The following ASPH variants were observed in gnomAD, a reference collection of about 807,000 sequenced individuals.
ASPH encodes the protein aspartate beta-hydroxylase.
Under a neutral mutation model 118.4 loss-of-function variants are expected in ASPH, and 100 were observed. The observed-to-expected ratio is 0.84, with a 90% confidence interval of 0.72 to 1.00. ASPH has a LOEUF of 1.00. Among genes scored for constraint, ASPH ranks in the 50% least tolerant of loss-of-function variants. The pLI is 0.00. For synonymous variants in ASPH, 315 were observed against 325.6 expected (o/e 0.97, Z 0.35); for missense variants, 920 against 919.5 (o/e 1.00, Z -0.01).
In ASPH at chr8:61,607,320, C is replaced by A. The variant is rs1017327206; in HGVS notation, c.976+11658G>T. 28 of 701,456 alleles carry A rather than the reference C, an allele frequency of 4.0e-5. No individual in the cohort carries two copies. The African/African-American group carries it at 4.9e-4, about 12-fold the overall frequency. 43.5% of individuals were successfully genotyped at this position (701,456 alleles called of 1,614,324 possible). A position where few individuals can be genotyped will look rare whatever the true frequency, so the allele number is the denominator to read the frequency against. ...TGGCTTTCACCAGACGCAAATGAGT[C>A]CTCTGTAAATGAAAGTGTGTCGGAA... is the stretch of plus-strand genomic sequence containing the variant. On this transcript the variant is annotated intron_variant, in intron 14 of 24. Coordinates refer to ENST00000379454, the MANE Select transcript of ASPH (RefSeq NM_004318.4).
chr8:61,535,113 T>C (rs768147949), intron 21 of ASPH, among the ~76,000 whole-genome samples: 13 of 152,330 alleles, frequency 8.5e-5, no homozygotes, highest in African/African-American at 3.1e-4. Flanking sequence ...TTAACTTCAC[T>C]ATCTCTTTAA....
At position 61,694,280 on chromosome 8, in the gene ASPH, C is replaced by A. The variant is rs747430168; in HGVS notation, c.104-10092G>T. Among the ~76,000 whole-genome samples the A allele has an allele frequency of 7.5e-4, 114 of 152,286 alleles. 1 individual carries two copies. The highest frequency in any genetic ancestry group is 1.2e-3 in the Non-Finnish European group (81 of 68,018). On this transcript the variant is annotated intron_variant, in intron 1 of 24. Transcript: ENST00000379454. ...CTGTCTCTTCTCGCCCCTTCTCCCCCAGCCTCACTGCCTTTGCCAGGTTTC... is the reference window on the plus strand; with the variant it reads ...CTGTCTCTTCTCGCCCCTTCTCCCCAAGCCTCACTGCCTTTGCCAGGTTTC...
At chr8:61,524,524 AT>A (rs1814488965) in intron 22 of ASPH, among the ~76,000 whole-genome samples, 1 of 152,216 alleles carries the variant, frequency 6.6e-6, no homozygotes, top group African/African-American at 2.4e-5. Flanking sequence ...AAGAAAGAAC[AT>A]GTAAATTCCA....
At chr8:61,641,325 T>C (rs1805026061) in intron 10 of ASPH, among the ~76,000 whole-genome samples, 1 of 152,220 alleles carries the variant, frequency 6.6e-6, no homozygotes, top group South Asian at 2.1e-4. Context: ...ATGTTCTTTA[T>C]ATTTTTAAAA....
At chr8:61,654,728 A>G (rs999788614) in intron 3 of ASPH, among the ~76,000 whole-genome samples, 12 of 152,204 alleles carry the variant, frequency 7.9e-5, no homozygotes, top group Non-Finnish European at 1.5e-4. Flanking sequence ...GGACCCTGCC[A>G]CATCACTTAC....
In ASPH at chr8:61,642,871, A is replaced by T; in HGVS notation, c.790+17T>A. 1 of 1,542,862 alleles carries T rather than the reference A, an allele frequency of 6.5e-7. No individual in the cohort carries two copies. The highest frequency in any genetic ancestry group is 1.4e-5 in the African/African-American group (1 of 70,808). ...AAAAAAAAAAAGAAAAAAAAAAAAA[A>T]GAAAGCATTTGCAAACCTTGTTCCT... On this transcript the variant is annotated intron_variant, in intron 10 of 24. Coordinates refer to ENST00000379454, the MANE Select transcript of ASPH (RefSeq NM_004318.4).
chr8:61,708,904 T>TCACC (rs1222967623), intron 1 of ASPH, among the ~76,000 whole-genome samples: 1 of 106,850 alleles, frequency 9.4e-6, no homozygotes, highest in Non-Finnish European at 1.8e-5. Context: ...CCAAGTCAAT[T>TCACC]CACCAATGCT....
intron 14 of ASPH, chr8:61,607,018 T>C (rs1047293601): frequency 1.4e-5 from 6 of 414,766 alleles, no homozygotes; most frequent in Non-Finnish European, 2.6e-5. Flanking sequence ...CTCCAGTTGC[T>C]TTCCATCTCC....
In ASPH at chr8:61,684,113, A is replaced by T; in HGVS notation, c.179T>A (p.Val60Glu). The change falls in exon 2 of 25, where the codon GTG becomes GAG. Residue 60 changes from valine to glutamate, a missense_variant. Physicochemically the swap from Val to Glu is moderately radical, Grantham distance 121 (BLOSUM62 -2). Coordinates refer to ENST00000379454, the MANE Select transcript of ASPH (RefSeq NM_004318.4). ...TGTCCAGACGCCCAGCAATGCAATC[A>T]CCATAAACCACGTGAAGAATGAAGT... ...SGTSFFTWFM[V>E]IALLGVWTSV... 2 of 1,613,786 alleles carry T rather than the reference A, an allele frequency of 1.2e-6. No homozygotes were observed. Among genetic ancestry groups the T allele is most frequent in the Non-Finnish European group, 1.7e-6 (2 of 1,179,786 alleles).
intron 20 of ASPH, among the ~76,000 whole-genome samples, chr8:61,551,730 C>T (rs1017280172): frequency 2.6e-5 from 4 of 152,198 alleles, no homozygotes. Flanking sequence ...AGTAGTCAGA[C>T]ATGAACATTT....
chr8:61,661,069 T>A (rs1162614589), intron 3 of ASPH: 1 of 152,236 alleles, frequency 6.6e-6, no homozygotes, highest in Non-Finnish European at 1.5e-5. Context: ...CAATATTCTT[T>A]TAAAAATTAA....
intron 14 of ASPH, among the ~76,000 whole-genome samples, chr8:61,585,298 G>C (rs1480485027): frequency 6.6e-6 from 1 of 152,190 alleles, no homozygotes; most frequent in African/African-American, 2.4e-5. Context: ...CTTCTCAGAA[G>C]CCCCAAGTGA....
chr8:61,540,737 C>T (rs1382870938), intron 21 of ASPH, among the ~76,000 whole-genome samples: 2 of 152,094 alleles, frequency 1.3e-5, no homozygotes, highest in Middle Eastern at 6.3e-3. Context: ...CTGTCCCCTG[C>T]CTTCAGGAAA....
At chr8:61,514,990 G>T (rs1810347278) in intron 24 of ASPH, among the ~76,000 whole-genome samples, 1 of 147,436 alleles carries the variant, frequency 6.8e-6, no homozygotes, top group South Asian at 2.3e-4. Flanking sequence ...GAGGGAGGGA[G>T]AGAGGGAGGC....
intron 19 of ASPH, 131 bp downstream of exon 19, chr8:61,555,792 TC>T: frequency 1.3e-6 from 1 of 749,802 alleles, no homozygotes. Context: ...AATGTCATGG[TC>T]TGAGGGTGGA....
chr8:61,595,934 G>T (rs566451001), intron 14 of ASPH, among the ~76,000 whole-genome samples: 1 of 152,172 alleles, frequency 6.6e-6, no homozygotes, highest in African/African-American at 2.4e-5. Flanking sequence ...CTGGGGATCT[G>T]AAGATAGATC....
At position 61,621,332 on chromosome 8, in the gene ASPH, AAAAGAAAAG is replaced by A. The variant is rs1248437856; in HGVS notation, c.935-2322_935-2314del. Among the ~76,000 whole-genome samples, 173 of 84,162 alleles carry A rather than the reference AAAAGAAAAG, an allele frequency of 2.1e-3. 1 individual carries two copies. The highest frequency in any genetic ancestry group is 5.4e-3 in the African/African-American group (129 of 23,970). The allele number at this position is 84,162 out of a possible 152,430, so 55.2% of individuals were successfully genotyped here. On this transcript the variant is annotated intron_variant, in intron 13 of 24. Transcript: ENST00000379454. ...TTACTGCAACTTGAGCAAAAAAAAA[AAAAGAAAAG>A]AAAAGAAAAGAAAAGAAAATACACA...
chr8:61,633,921 T>C (rs1396454342), intron 12 of ASPH, among the ~76,000 whole-genome samples, 194 bp from the exon 13 acceptor site: 1 of 152,176 alleles, frequency 6.6e-6, no homozygotes, highest in Non-Finnish European at 1.5e-5. Context: ...AAATGTTGTG[T>C]ATTTCTCAAC....
At chr8:61,617,488 G>T (rs1348958291) in intron 14 of ASPH, among the ~76,000 whole-genome samples, 1 of 152,184 alleles carries the variant, frequency 6.6e-6, no homozygotes, top group Admixed American at 6.6e-5. Context: ...GAAGATCCAG[G>T]AAGTAAGGCA....
Sources: gnomAD v4.1 joint callset for allele counts (sites outside exome capture counted in the v4.1 genomes callset) on GRCh38, gnomAD v4.1.1 for gene constraint, MANE v1.5 for transcripts, NCBI Gene and HGNC (gene_info 2026-07-23, HGNC 2026-07-21) for gene names.